Variants in IGF2BP2 observed in about 807,000 individuals in gnomAD.
IGF2BP2 encodes insulin-like growth factor 2 mRNA-binding protein 2.
Under a neutral mutation model 75.8 loss-of-function variants are expected in IGF2BP2, and 17 were observed. The observed-to-expected ratio is 0.22, with a 90% CI of 0.15 to 0.34. The LOEUF is 0.34. IGF2BP2 is among the 10% of genes least tolerant of loss of function. The pLI, the probability that IGF2BP2 is intolerant of heterozygous loss-of-function variation, is 1.00. For synonymous variants in IGF2BP2, 288 were observed against 295.6 expected (o/e 0.97, Z 0.26); for missense variants, 516 against 772.4 (o/e 0.67, Z 3.93).
At chr3:185,751,669 T>C (rs1018713777) in intron 2 of IGF2BP2, among the ~76,000 whole-genome samples, 2 of 149,134 alleles carry the variant, frequency 1.3e-5, no homozygotes, top group Admixed American at 6.7e-5. Flanking sequence ...GAAAGAAACA[T>C]AATCTGATGA....
intron 2 of IGF2BP2, among the ~76,000 whole-genome samples, chr3:185,754,664 T>C (rs917078555): frequency 9.2e-5 from 14 of 152,038 alleles, no homozygotes; most frequent in Non-Finnish European, 1.0e-4. Flanking sequence ...GACAGTGAAG[T>C]CCAGGCTGAT....
chr3:185,684,943 GA>G (rs1233250814), intron 7 of IGF2BP2, among the ~76,000 whole-genome samples: 1 of 151,994 alleles, frequency 6.6e-6, no homozygotes, highest in African/African-American at 2.4e-5. Flanking sequence ...TTTTTTCTAA[GA>G]TATTCAAACT....
chr3:185,792,765 CAAA>C (rs57107858), intron 2 of IGF2BP2, among the ~76,000 whole-genome samples: 2 of 93,682 alleles, frequency 2.1e-5, no homozygotes, highest in Admixed American at 1.1e-4. Flanking sequence ...GACTCCGTCT[CAAA>C]AAAAAAAAAA....
chr3:185,673,379 T>C (rs906648408), intron 9 of IGF2BP2, among the ~76,000 whole-genome samples: 1 of 152,268 alleles, frequency 6.6e-6, no homozygotes, highest in Non-Finnish European at 1.5e-5. Context: ...ACTCTATCCA[T>C]GGAGAGATCA....
intron 2 of IGF2BP2, among the ~76,000 whole-genome samples, chr3:185,811,941 C>T (rs1329692555): frequency 6.6e-6 from 1 of 151,320 alleles, no homozygotes; most frequent in Non-Finnish European, 1.5e-5. Context: ...TAGCTAAATT[C>T]CAAGGACTTT....
At chr3:185,696,436 C>A in intron 4 of IGF2BP2, 176 bp downstream of exon 4, 1 of 598,712 alleles carries the variant, frequency 1.7e-6, no homozygotes, top group Non-Finnish European at 2.9e-6. Flanking sequence ...TAGAAAGAGA[C>A]AGATATCTCT....
At chr3:185,721,750 A>G (rs1395487702) in intron 2 of IGF2BP2, among the ~76,000 whole-genome samples, 2 of 152,078 alleles carry the variant, frequency 1.3e-5, no homozygotes, top group African/African-American at 4.8e-5. Flanking sequence ...TCTCATCTGA[A>G]AAGTCATGAA....
chr3:185,760,854 A>G (rs1732266105), intron 2 of IGF2BP2, among the ~76,000 whole-genome samples: 1 of 152,174 alleles, frequency 6.6e-6, no homozygotes. Context: ...CCCAACTTTA[A>G]TAACTGTGTA....
Position 185,769,512 on chromosome 3 carries a change from C to A in IGF2BP2, c.239+53641G>T, listed in dbSNP as rs186889946. Among the ~76,000 whole-genome samples the A allele has an allele frequency of 3.0e-3, 457 of 152,194 alleles. 5 individuals carry two copies. Among genetic ancestry groups the A allele is most frequent in the African/African-American group, 0.011 (438 of 41,524 alleles). On this transcript the variant is annotated intron_variant, in intron 2 of 15. Coordinates refer to ENST00000382199, the MANE Select transcript of IGF2BP2 (RefSeq NM_006548.6). ...CCACTCTTCAATTTGCTCTCAAGTG[C>A]ATTTTACAGACAGAGAAATCATGGT...
intron 4 of IGF2BP2, among the ~76,000 whole-genome samples, chr3:185,695,487 G>A (rs988445869): frequency 6.6e-6 from 1 of 152,132 alleles, no homozygotes; most frequent in Non-Finnish European, 1.5e-5. Flanking sequence ...ACTTTTTCAA[G>A]GGTTCGCAGT....
intron 2 of IGF2BP2, among the ~76,000 whole-genome samples, chr3:185,753,450 T>C (rs1481500696): frequency 6.6e-6 from 1 of 152,116 alleles, no homozygotes; most frequent in African/African-American, 2.4e-5. Flanking sequence ...AATCAACTCA[T>C]ATATCCCTGT....
At chr3:185,820,985 A>C in intron 2 of IGF2BP2, 1 of 1,534,228 alleles carries the variant, frequency 6.5e-7, no homozygotes, top group African/African-American at 1.4e-5. Context: ...TATAACATAA[A>C]AGCTTTGGTT....
At chr3:185,663,187 C>A (rs1310623205) in intron 10 of IGF2BP2, among the ~76,000 whole-genome samples, 1 of 152,206 alleles carries the variant, frequency 6.6e-6, no homozygotes, top group Non-Finnish European at 1.5e-5. Context: ...CCCAATGTGG[C>A]CATTAGACTC....
At position 185,645,201 on chromosome 3, in the gene IGF2BP2, C is replaced by T; in HGVS notation, c.*330G>A. On this transcript the variant is annotated 3_prime_UTR_variant, in exon 16 of 16. Transcript: ENST00000382199. The surrounding 1 kb of genome is among the most constrained non-coding windows in gnomAD (Gnocchi z 4.9). ...TTTTGCTTGGCTTTGAACACGTTCA[C>T]CTATGTTAGTTCAACTAAAAGGGAT... 1 of 345,570 alleles carries T rather than the reference C, an allele frequency of 2.9e-6. No individual in the cohort carries two copies. The highest frequency in any genetic ancestry group is 5.4e-6 in the Non-Finnish European group (1 of 186,194). The allele number at this position is 345,570 out of a possible 1,614,324, so 21.4% of individuals were successfully genotyped here. A position where few individuals can be genotyped will look rare whatever the true frequency, so the allele number is the denominator to read the frequency against.
At chr3:185,796,617 GAAAAA>G in intron 2 of IGF2BP2, among the ~76,000 whole-genome samples, 1 of 75,934 alleles carries the variant, frequency 1.3e-5, no homozygotes, top group South Asian at 5.0e-4. Context: ...CCTGAGCTAG[GAAAAA>G]AAAAAAAAAA....
At chr3:185,747,824 T>C (rs202197165) in intron 2 of IGF2BP2, among the ~76,000 whole-genome samples, 9 of 57,786 alleles carry the variant, frequency 1.6e-4, no homozygotes, top group African/African-American at 2.3e-4. Flanking sequence ...TTTTATTTTA[T>C]TTTATTCTAC....
intron 2 of IGF2BP2, among the ~76,000 whole-genome samples, chr3:185,792,136 T>C (rs1169626983): frequency 1.3e-5 from 2 of 152,220 alleles, no homozygotes; most frequent in African/African-American, 2.4e-5. Flanking sequence ...ACCATCGGCT[T>C]GAATACATGA....
chr3:185,764,979 G>T (rs1036451747), intron 2 of IGF2BP2, among the ~76,000 whole-genome samples: 2 of 151,922 alleles, frequency 1.3e-5, no homozygotes, highest in African/African-American at 4.8e-5. Context: ...AAACAGGCTG[G>T]GTCCAGTGTT....
At position 185,692,075 on chromosome 3, in the gene IGF2BP2, G is replaced by A. The variant is rs1035909085; in HGVS notation, c.404+624C>T. 2.0e-5 allele frequency among the ~76,000 whole-genome samples: 3 copies of A among 152,088 alleles called. No individual in the cohort carries two copies. In the South Asian group the frequency reaches 6.2e-4, roughly 32 times the overall value. On this transcript the variant is annotated intron_variant, in intron 5 of 15. Transcript: ENST00000382199. ...AGACTTGATCTCATGTCCATTAACA[G>A]CTAAGCTCAAAATTAACCATCCCTG...
Sources: allele counts gnomAD v4.1 joint callset (sites outside exome capture counted in the v4.1 genomes callset), GRCh38; gene constraint gnomAD v4.1.1; non-coding constraint Gnocchi (gnomAD v3.1); transcripts MANE v1.5; gene names NCBI Gene and HGNC (gene_info 2026-07-23, HGNC 2026-07-21).